Variants in ASNS observed in about 807,000 individuals in gnomAD.
ASNS encodes asparagine synthetase [glutamine-hydrolyzing].
Under a neutral mutation model 62.6 loss-of-function variants are expected in ASNS, and 37 were observed. The ratio of observed to expected loss-of-function variants is 0.59; its 90% confidence interval spans 0.45 to 0.78. ASNS has a LOEUF of 0.78. Among genes scored for constraint, ASNS ranks in the 30% least tolerant of loss-of-function variants. The pLI, the probability that ASNS is intolerant of heterozygous loss-of-function variation, is 0.00. For synonymous variants in ASNS, 207 were observed against 237.9 expected, an observed-to-expected ratio of 0.87 and a Z score of 1.19; for missense variants, 520 against 682.4, an observed-to-expected ratio of 0.76 and a Z score of 2.65.
chr7:97,885,714 G>A, the ASNS span, among the ~76,000 whole-genome samples: 4 of 152,188 alleles, frequency 2.6e-5, no homozygotes, highest in Non-Finnish European at 5.9e-5. Context: ...AGAAGTGAAC[G>A]TAATTGGAAT....
the ASNS span, among the ~76,000 whole-genome samples, chr7:97,893,334 T>A: frequency 6.6e-6 from 1 of 152,226 alleles, no homozygotes; most frequent in Admixed American, 6.5e-5. Context: ...CAAAAGGATA[T>A]ACAAAATAAC....
the ASNS span, among the ~76,000 whole-genome samples, chr7:97,927,075 T>G: frequency 5.5e-5 from 6 of 108,860 alleles, no homozygotes; most frequent in South Asian, 3.2e-4. Context: ...ACCTGGCTTT[T>G]TTTTTTTTTT....
intron 7 of ASNS, 141 bp downstream of exon 7, chr7:97,858,137 T>C: frequency 2.6e-6 from 3 of 1,158,716 alleles, no homozygotes; most frequent in Non-Finnish European, 3.6e-6. Flanking sequence ...AGCCATTTCA[T>C]TCTATTTTAA....
At chr7:97,882,712 ATGG>A in the ASNS span, among the ~76,000 whole-genome samples, 30 of 152,140 alleles carry the variant, frequency 2.0e-4, no homozygotes, top group African/African-American at 4.8e-5. Context: ...AGGGGGAGTG[ATGG>A]TGGTGGTGCA....
chr7:97,872,819 G>A (rs897524000), upstream of ASNS, among the ~76,000 whole-genome samples: 28 of 152,234 alleles, frequency 1.8e-4, no homozygotes, highest in African/African-American at 5.3e-4. Flanking sequence ...AATAAATCGG[G>A]GCCAGGAGCG....
chr7:97,853,610 T>A (rs1791293721), intron 10 of ASNS, among the ~76,000 whole-genome samples: 1 of 152,162 alleles, frequency 6.6e-6, no homozygotes, highest in African/African-American at 2.4e-5. Context: ...GGAGTAAAAC[T>A]AACTGAGACT....
At chr7:97,908,695 C>A in the ASNS span, 1 of 152,152 alleles carries the variant, frequency 6.6e-6, no homozygotes, top group East Asian at 1.9e-4. Flanking sequence ...AGTCACAGCG[C>A]CCCGCCTTTT....
chr7:97,880,574 G>A, the ASNS span, among the ~76,000 whole-genome samples: 1 of 152,144 alleles, frequency 6.6e-6, no homozygotes, highest in Non-Finnish European at 1.5e-5. Flanking sequence ...GTACAGTCCT[G>A]GGCCCCACGC....
chr7:97,883,916 A>C, the ASNS span, among the ~76,000 whole-genome samples: 1 of 140,364 alleles, frequency 7.1e-6, no homozygotes, highest in Non-Finnish European at 1.5e-5. Flanking sequence ...TGAACGCGGG[A>C]GGTGGAGCTT....
At chr7:97,892,592 T>G in the ASNS span, among the ~76,000 whole-genome samples, 1 of 152,084 alleles carries the variant, frequency 6.6e-6, no homozygotes, top group South Asian at 2.1e-4. Flanking sequence ...AAATTTCTTC[T>G]ATCAGATACC....
chr7:97,858,729 T>C, intron 6 of ASNS, 125 bp downstream of exon 6: 1 of 949,832 alleles, frequency 1.1e-6, no homozygotes, highest in Non-Finnish European at 1.6e-6. Context: ...ATCATTTCCA[T>C]CCTATAATGA....
the ASNS span, among the ~76,000 whole-genome samples, chr7:97,893,946 A>G: frequency 6.6e-6 from 1 of 152,298 alleles, no homozygotes; most frequent in Non-Finnish European, 1.5e-5. Context: ...AACACATGGA[A>G]CATTCTCCAG....
intron 8 of ASNS, 81 bp downstream of exon 8, chr7:97,856,609 G>T: frequency 8.0e-7 from 1 of 1,249,592 alleles, no homozygotes; most frequent in Non-Finnish European, 1.1e-6. Context: ...TAAAACTATG[G>T]CTTGAAATAA....
chr7:97,853,400 A>G lies in ASNS; in HGVS notation c.1239-14T>C, dbSNP rs1562812317. ...CTCAGTTCAAGACTTAAAGGAGAAA[A>G]GAAGAAAATCTAAATTAAAATGGGT... On this transcript the variant is annotated splice_polypyrimidine_tract_variant and intron_variant, in intron 10 of 12. Transcript: ENST00000394308. 1.9e-6 allele frequency: 3 copies of G among 1,606,736 alleles called. No homozygotes were observed. The South Asian group carries it at 3.3e-5, about 18-fold the overall frequency.
the ASNS span, among the ~76,000 whole-genome samples, chr7:97,896,902 G>A: frequency 6.6e-6 from 1 of 150,444 alleles, no homozygotes; most frequent in African/African-American, 2.4e-5. Flanking sequence ...AAGCTGTCAA[G>A]AACATACATT....
intron 1 of ASNS, chr7:97,870,364 C>A (rs939765594): frequency 9.2e-6 from 3 of 327,382 alleles, no homozygotes; most frequent in Non-Finnish European, 1.7e-5. Flanking sequence ...AAAAAAACTG[C>A]GAATTGCAGC....
Position 97,869,979 on chromosome 7 carries a change from G to C in ASNS, c.-59-166C>G, listed in dbSNP as rs138571875. ...GTCTCAAAGTTGCATTGTTCAGTAA[G>C]GAAGCAAAGTAGGTGAGACATATAC... On this transcript the variant is annotated intron_variant, in intron 1 of 12. Coordinates refer to ENST00000394308, the MANE Select transcript of ASNS (RefSeq NM_001673.5). 1,429 of 198,320 alleles carry C rather than the reference G, an allele frequency of 7.2e-3. 17 individuals are homozygous for C. Among genetic ancestry groups the C allele is most frequent in the African/African-American group, 0.031 (1,344 of 43,206 alleles). 12.3% of individuals were successfully genotyped at this position (198,320 alleles called of 1,614,324 possible).
At chr7:97,920,918 T>C in the ASNS span, among the ~76,000 whole-genome samples, 2 of 152,162 alleles carry the variant, frequency 1.3e-5, no homozygotes, top group African/African-American at 4.8e-5. Flanking sequence ...TCCCTCAGAG[T>C]GGCAGCGCCA....
chr7:97,853,735 AG>A (rs1791298581), intron 10 of ASNS, among the ~76,000 whole-genome samples: 1 of 152,230 alleles, frequency 6.6e-6, no homozygotes, highest in African/African-American at 2.4e-5. Context: ...GACCTAACTC[AG>A]TGTTTACTAG....
Sources: gnomAD v4.1 joint callset for allele counts (sites outside exome capture counted in the v4.1 genomes callset) on GRCh38, gnomAD v4.1.1 for gene constraint, MANE v1.5 for transcripts, NCBI Gene and HGNC (gene_info 2026-07-23, HGNC 2026-07-21) for gene names.